NRXN1: variants seen among roughly 807,000 people sequenced by gnomAD.
The protein encoded by NRXN1 is neurexin-1.
Under a neutral mutation model 150.9 loss-of-function variants are expected in NRXN1, and 39 were observed. The observed-to-expected ratio is 0.26, with a 90% CI of 0.20 to 0.34. NRXN1 has a LOEUF of 0.34. Among genes scored for constraint, NRXN1 ranks in the 10% least tolerant of loss-of-function variants. NRXN1 has a pLI of 1.00. For missense variants in NRXN1, 1,815 were observed against 1,949.9 expected (o/e 0.93, Z 1.30); for synonymous variants, 924 against 757.0 (o/e 1.22, Z -3.62).
intron 19 of NRXN1, among the ~76,000 whole-genome samples, chr2:50,064,645 C>T (rs1164168961): frequency 6.6e-6 from 1 of 152,114 alleles, no homozygotes; most frequent in Non-Finnish European, 1.5e-5. Flanking sequence ...AATGTTGATA[C>T]TCTGGTTTCT....
chr2:50,452,546 G>A (rs1357305908), intron 17 of NRXN1, among the ~76,000 whole-genome samples: 1 of 152,096 alleles, frequency 6.6e-6, no homozygotes, highest in African/African-American at 2.4e-5. Context: ...GATTTAAAAA[G>A]AAATAAATAT....
At chr2:50,671,508 C>T (rs1241796821) in intron 5 of NRXN1, among the ~76,000 whole-genome samples, 1 of 151,544 alleles carries the variant, frequency 6.6e-6, no homozygotes, top group Non-Finnish European at 1.5e-5. Context: ...ATATACATTA[C>T]ACCAAATTTA....
chr2:50,256,297 T>C (rs2067693903), intron 17 of NRXN1, among the ~76,000 whole-genome samples: 1 of 152,148 alleles, frequency 6.6e-6, no homozygotes, highest in Non-Finnish European at 1.5e-5. Context: ...TTTTTACCCA[T>C]TAAACATATT....
intron 5 of NRXN1, among the ~76,000 whole-genome samples, chr2:50,885,234 T>C (rs1456016002): frequency 1.3e-5 from 2 of 151,500 alleles, no homozygotes; most frequent in Non-Finnish European, 3.0e-5. Flanking sequence ...TGTGACATCC[T>C]AATACATAGA....
intron 17 of NRXN1, among the ~76,000 whole-genome samples, chr2:50,253,024 TG>T (rs2152901257): frequency 6.6e-6 from 1 of 152,298 alleles, no homozygotes; most frequent in South Asian, 2.1e-4. Flanking sequence ...TTCATGATAT[TG>T]ATTCTTCCTA....
At chr2:50,698,635 A>T (rs1337403351) in intron 5 of NRXN1, among the ~76,000 whole-genome samples, 1 of 152,230 alleles carries the variant, frequency 6.6e-6, no homozygotes, top group Non-Finnish European at 1.5e-5. Flanking sequence ...TAAACTTCTC[A>T]GAGGTTTTCA....
At chr2:49,982,758 C>T (rs1012211857) in intron 21 of NRXN1, among the ~76,000 whole-genome samples, 3 of 151,834 alleles carry the variant, frequency 2.0e-5, no homozygotes, top group Non-Finnish European at 2.9e-5. Flanking sequence ...AGATAATGGA[C>T]GCATTTCTAT....
chr2:50,254,222 C>T (rs1464987772), intron 17 of NRXN1, among the ~76,000 whole-genome samples: 1 of 151,676 alleles, frequency 6.6e-6, no homozygotes, highest in Non-Finnish European at 1.5e-5. Flanking sequence ...ATAGTATACT[C>T]TGATGGTTGG....
chr2:50,005,939 T>C (rs1393905640), intron 21 of NRXN1, among the ~76,000 whole-genome samples: 1 of 152,148 alleles, frequency 6.6e-6, no homozygotes, highest in African/African-American at 2.4e-5. Flanking sequence ...CTTTGCCCTA[T>C]AGAGAGGTTT....
At chr2:50,522,793 G>A (rs541055436) in intron 12 of NRXN1, among the ~76,000 whole-genome samples, 36 of 126,532 alleles carry the variant, frequency 2.8e-4, no homozygotes, top group African/African-American at 5.5e-4. Flanking sequence ...GTGCAATGGC[G>A]CAACCTTGGC....
At chr2:50,976,999 A>C (rs1271254389) in intron 2 of NRXN1, among the ~76,000 whole-genome samples, 1 of 152,070 alleles carries the variant, frequency 6.6e-6, no homozygotes, top group Non-Finnish European at 1.5e-5. Flanking sequence ...TTTTGAAGGC[A>C]TAGCTTAATG....
At chr2:50,736,252 G>A (rs1698733473) in intron 5 of NRXN1, among the ~76,000 whole-genome samples, 1 of 151,830 alleles carries the variant, frequency 6.6e-6, no homozygotes. Flanking sequence ...TTGTCATCTG[G>A]TTCACCCCAT....
intron 18 of NRXN1, among the ~76,000 whole-genome samples, chr2:50,138,580 C>T (rs1558956535): frequency 1.3e-5 from 2 of 152,198 alleles, no homozygotes; most frequent in Non-Finnish European, 2.9e-5. Context: ...TATCATGTCT[C>T]ACTGCCCCGT....
intron 5 of NRXN1, among the ~76,000 whole-genome samples, chr2:50,649,513 A>G (rs1307390115): frequency 1.3e-5 from 2 of 151,882 alleles, no homozygotes; most frequent in Non-Finnish European, 2.9e-5. Context: ...TACATTTTCC[A>G]TTTGCAGAAA....
At chr2:50,809,230 A>T (rs919121123) in intron 5 of NRXN1, among the ~76,000 whole-genome samples, 4 of 152,082 alleles carry the variant, frequency 2.6e-5, no homozygotes, top group African/African-American at 9.7e-5. Context: ...CCTCAAAGGA[A>T]ACTTAAGCAT....
intron 17 of NRXN1, among the ~76,000 whole-genome samples, chr2:50,391,191 G>C (rs2081665071): frequency 6.7e-6 from 1 of 149,668 alleles, no homozygotes; most frequent in South Asian, 2.1e-4. Flanking sequence ...ATATGTTAGA[G>C]AGTTTCACAA....
intron 5 of NRXN1, among the ~76,000 whole-genome samples, chr2:50,702,502 A>G (rs2104972822): frequency 6.6e-6 from 1 of 152,296 alleles, no homozygotes; most frequent in African/African-American, 2.4e-5. Context: ...ATATAACTCA[A>G]AGAAGAACAG....
intron 18 of NRXN1, among the ~76,000 whole-genome samples, chr2:50,112,187 C>G (rs1006091003): frequency 6.6e-6 from 1 of 152,200 alleles, no homozygotes; most frequent in Non-Finnish European, 1.5e-5. Flanking sequence ...CCCTCCAGAT[C>G]TCCCATCTGT....
intron 11 of NRXN1, 33 bp downstream of exon 11, chr2:50,531,194 G>C: frequency 6.4e-7 from 1 of 1,565,358 alleles, no homozygotes; most frequent in Non-Finnish European, 8.7e-7. Context: ...AAGTAAAAAA[G>C]TGTTAGTTCA....
Sources: gnomAD v4.1 joint callset for allele counts (sites outside exome capture counted in the v4.1 genomes callset) on GRCh38, gnomAD v4.1.1 for gene constraint, MANE v1.5 for transcripts, NCBI Gene and HGNC (gene_info 2026-07-23, HGNC 2026-07-21) for gene names.